The following WNK2 variants were observed in gnomAD, a reference collection of about 807,000 sequenced individuals.
The protein encoded by WNK2 is WNK lysine deficient protein kinase 2.
A neutral mutation model predicts 192.1 loss-of-function variants in WNK2; 67 were observed. The observed-to-expected ratio is 0.35, with a 90% CI of 0.29 to 0.43. The LOEUF is 0.43. WNK2 is among the 20% of genes least tolerant of loss of function. The pLI is 1.00. For missense variants in WNK2, 2,698 were observed against 3,089.7 expected (o/e 0.87, Z 3.01); for synonymous variants, 1,439 against 1,393.9 (o/e 1.03, Z -0.72).
Position 93,229,899 on chromosome 9 carries a change from G to A in WNK2, c.854+31G>A. 6.2e-7 allele frequency: 1 copy of A among 1,605,276 alleles called. No homozygotes were observed. On this transcript the variant is annotated intron_variant, in intron 3 of 29. Coordinates refer to ENST00000427277, the MANE Select transcript of WNK2 (RefSeq NM_006648.4). This position sits in a 1 kb window ranked among gnomAD's most constrained non-coding sequence, Gnocchi z 4.9. ...CTCCGCTTCCTGAGGGCTGGGGCGGGTCCTGGCATGGGTGCAGGGCTACCA... is the reference window on the plus strand; with the variant it reads ...CTCCGCTTCCTGAGGGCTGGGGCGGATCCTGGCATGGGTGCAGGGCTACCA...
intron 24 of WNK2, among the ~76,000 whole-genome samples, chr9:93,298,789 A>T (rs1225323637): frequency 3.3e-5 from 5 of 152,234 alleles, no homozygotes; most frequent in African/African-American, 9.6e-5. Flanking sequence ...GAAGACTGAG[A>T]TGAGAAGTAC....
In WNK2 at chr9:93,291,190, G is replaced by C. The variant is rs1489142157; in HGVS notation, c.4937-1118G>C. ...CAAAAGGGTGGAAATGAGAGGTTGTGTTGGAGTGCCAGCCCTGACCACGCT... is the reference window on the plus strand; with the variant it reads ...CAAAAGGGTGGAAATGAGAGGTTGTCTTGGAGTGCCAGCCCTGACCACGCT... On this transcript the variant is annotated intron_variant, in intron 21 of 29. Transcript: ENST00000427277. Among the ~76,000 whole-genome samples the C allele has an allele frequency of 2.6e-5, 4 of 152,202 alleles. No homozygotes were observed. In the East Asian group the frequency reaches 7.7e-4, roughly 29 times the overall value.
chr9:93,231,136 T>C, intron 4 of WNK2, 28 bp downstream of exon 4: 1 of 1,604,904 alleles, frequency 6.2e-7, no homozygotes, highest in Non-Finnish European at 8.5e-7. Context: ...CCCCAGGCCC[T>C]TGGAGCCCAT....
Position 93,232,615 on chromosome 9 carries a change from T to C in WNK2, c.1075+1507T>C, listed in dbSNP as rs1839019969. The stretch of plus-strand genomic sequence containing the variant: ...CTGGAGGAAGAAGCACAGCCCACTG[T>C]GAAGCGGCAGCCCCGGCAGAGCCCC... On this transcript the variant is annotated intron_variant, in intron 4 of 29. Transcript: ENST00000427277. Among the ~76,000 whole-genome samples, 3 of 152,338 alleles carry C rather than the reference T, an allele frequency of 2.0e-5. No individual in the cohort carries two copies. In the East Asian group the frequency reaches 5.8e-4, roughly 29 times the overall value.
Position 93,185,536 on chromosome 9 carries a change from C to T in WNK2, c.607C>T (p.Arg203Cys). Residue 203 changes from arginine (R) to cysteine (C), a missense_variant, in exon 2 of 30, where the codon CGC becomes TGC. Physicochemically the swap from Arg to Cys is radical, Grantham distance 180. Around this residue, in one of 7 missense-constraint regions of WNK2, gnomAD observed 230 missense variants for 501.1 expected, o/e 0.46. Coordinates refer to ENST00000427277, the MANE Select transcript of WNK2 (RefSeq NM_006648.4). Reference protein sequence around the residue: ...RFLKFDIELGRGSFKTVYKGL... With the variant: ...RFLKFDIELGCGSFKTVYKGL... ...CCTCAAGTTCGACATCGAGCTGGGC[C>T]GCGGTTCCTTCAAGACGGTCTACAA... 1 of 1,612,980 alleles carries T rather than the reference C, an allele frequency of 6.2e-7. No homozygotes were observed. The highest frequency in any genetic ancestry group is 8.5e-7 in the Non-Finnish European group (1 of 1,179,678).
chr9:93,219,396 C>T (rs895013200), intron 2 of WNK2, among the ~76,000 whole-genome samples: 1 of 152,252 alleles, frequency 6.6e-6, no homozygotes, highest in Non-Finnish European at 1.5e-5. Flanking sequence ...CTCATCAGTT[C>T]TTCTGACCAC....
chr9:93,201,434 C>T (rs778726528), intron 2 of WNK2, among the ~76,000 whole-genome samples: 9 of 152,198 alleles, frequency 5.9e-5, no homozygotes, highest in African/African-American at 9.7e-5. Context: ...CTTGGCAGCC[C>T]GGGAGGTGGA....
intron 2 of WNK2, among the ~76,000 whole-genome samples, chr9:93,217,337 T>C (rs992130936): frequency 3.3e-5 from 5 of 152,170 alleles, no homozygotes; most frequent in African/African-American, 1.2e-4. Flanking sequence ...CTGGCCTGAT[T>C]TCAAGTGCTC....
intron 25 of WNK2, 105 bp downstream of exon 25, chr9:93,299,366 C>A: frequency 4.9e-6 from 6 of 1,217,896 alleles, no homozygotes; most frequent in Admixed American, 3.0e-5. Flanking sequence ...CAAGCTGTGG[C>A]AAAGGCTGTT....
rs76577759 is a variant in WNK2 at position 93,315,215 on chromosome 9, C to T, written c.6517-2305C>T. ...CCACTGACAGCTCTGCTCTTCTCTGCGCCTGATGTGGGCGCAATGGGTTTG... is the reference window on the plus strand; with the variant it reads ...CCACTGACAGCTCTGCTCTTCTCTGTGCCTGATGTGGGCGCAATGGGTTTG... On this transcript the variant is annotated intron_variant, in intron 28 of 29. Coordinates refer to ENST00000427277, the MANE Select transcript of WNK2 (RefSeq NM_006648.4). Among the ~76,000 whole-genome samples the T allele has an allele frequency of 3.0e-3, 455 of 152,310 alleles. 4 individuals are homozygous for T. The highest frequency in any genetic ancestry group is 0.01 in the African/African-American group (431 of 41,572).
intron 2 of WNK2, among the ~76,000 whole-genome samples, chr9:93,208,941 C>T (rs957541210): frequency 8.5e-5 from 13 of 152,074 alleles, no homozygotes; most frequent in Non-Finnish European, 1.8e-4. Context: ...AGAGCCCCTC[C>T]CTCTGATGGT....
At chr9:93,286,184 T>A (rs1564167517) in intron 19 of WNK2, among the ~76,000 whole-genome samples, 1 of 151,408 alleles carries the variant, frequency 6.6e-6, no homozygotes, top group Non-Finnish European at 1.5e-5. Context: ...TGTATTAAAA[T>A]AAAAAACTAT....
At chr9:93,298,738 T>C (rs1403504471) in intron 24 of WNK2, among the ~76,000 whole-genome samples, 1 of 152,224 alleles carries the variant, frequency 6.6e-6, no homozygotes, top group Non-Finnish European at 1.5e-5. Context: ...CCATGAATTA[T>C]ACCCATTACA....
intron 19 of WNK2, among the ~76,000 whole-genome samples, chr9:93,281,251 CAG>C (rs929410203): frequency 2.0e-5 from 3 of 152,142 alleles, no homozygotes; most frequent in Non-Finnish European, 2.9e-5. Flanking sequence ...ACAGCAGTAA[CAG>C]AGCATGTCAG....
chr9:93,219,169 G>A (rs979388508), intron 2 of WNK2, among the ~76,000 whole-genome samples: 3 of 152,292 alleles, frequency 2.0e-5, no homozygotes, highest in African/African-American at 7.2e-5. Flanking sequence ...CTGATGGCAG[G>A]TGCCTTGGCA....
chr9:93,244,159 G>A (rs980877103), intron 7 of WNK2, among the ~76,000 whole-genome samples: 1 of 152,250 alleles, frequency 6.6e-6, no homozygotes, highest in African/African-American at 2.4e-5. Flanking sequence ...ATCCAGATGA[G>A]ACCTCTTTCT....
At chr9:93,299,573 C>A (rs886649768) in intron 25 of WNK2, among the ~76,000 whole-genome samples, 2 of 152,120 alleles carry the variant, frequency 1.3e-5, no homozygotes, top group African/African-American at 4.8e-5. Context: ...GCTCCGGCGC[C>A]AGTTCCCAGG....
intron 19 of WNK2, 34 bp from the exon 20 acceptor site, chr9:93,288,754 C>T: frequency 1.9e-6 from 3 of 1,571,914 alleles, no homozygotes; most frequent in Non-Finnish European, 2.6e-6. Flanking sequence ...ACTGGAGTAC[C>T]CTGGTACAAA....
chr9:93,296,829 T>G (rs1359165168), intron 23 of WNK2, among the ~76,000 whole-genome samples: 1 of 76,524 alleles, frequency 1.3e-5, no homozygotes, highest in African/African-American at 6.2e-5. Flanking sequence ...CATTCTCCCC[T>G]CATCTTCCTC....
Sources: gnomAD v4.1 joint callset for allele counts (sites outside exome capture counted in the v4.1 genomes callset) on GRCh38, gnomAD v4.1.1 for gene constraint, gnomAD v4.1.1 regional missense constraint, Gnocchi (gnomAD v3.1) non-coding constraint, MANE v1.5 for transcripts, NCBI Gene and HGNC (gene_info 2026-07-23, HGNC 2026-07-21) for gene names.